The following NCKAP5 variants were observed in gnomAD, a reference collection of about 807,000 sequenced individuals.
The protein encoded by NCKAP5 is nck-associated protein 5.
A neutral mutation model predicts 167.0 loss-of-function variants in NCKAP5; 92 were observed. The observed-to-expected ratio is 0.55, with a 90% CI of 0.47 to 0.66. NCKAP5 has a LOEUF of 0.66. Ranked by LOEUF, NCKAP5 falls within the 30% of genes least tolerant of loss-of-function variation. NCKAP5 has a pLI of 0.00. For missense variants in NCKAP5, 2,378 were observed against 2,315.0 expected (o/e 1.03, Z -0.56); for synonymous variants, 891 against 877.4 (o/e 1.02, Z -0.27).
At chr2:132,732,158 G>T in intron 16 of NCKAP5, 107 bp from the exon 17 acceptor site, 1 of 1,092,920 alleles carries the variant, frequency 9.1e-7, no homozygotes, top group Non-Finnish European at 1.3e-6. Context: ...ACACCTAGAA[G>T]GGTGAATTTA....
intron 11 of NCKAP5, among the ~76,000 whole-genome samples, chr2:132,833,127 G>A (rs1329224279): frequency 6.6e-6 from 1 of 152,072 alleles, no homozygotes; most frequent in East Asian, 1.9e-4. Context: ...GATGTGTGAT[G>A]TTTAGCTTTT....
At chr2:133,467,988 G>A (rs1169785173) in intron 3 of NCKAP5, among the ~76,000 whole-genome samples, 1 of 116,836 alleles carries the variant, frequency 8.6e-6, no homozygotes, top group African/African-American at 3.7e-5. Flanking sequence ...TTTTTTGAAG[G>A]GTTTTTTGTG....
chr2:133,083,602 C>T (rs1010390878), intron 6 of NCKAP5, among the ~76,000 whole-genome samples: 2 of 152,134 alleles, frequency 1.3e-5, no homozygotes, highest in Non-Finnish European at 2.9e-5. Flanking sequence ...ACGTATCTTA[C>T]CAGACAGGAA....
At position 132,826,916 on chromosome 2, in the gene NCKAP5, A is replaced by T. The variant is rs573464848; in HGVS notation, c.808-30187T>A. On this transcript the variant is annotated intron_variant, in intron 11 of 19. Coordinates refer to ENST00000409261, the MANE Select transcript of NCKAP5 (RefSeq NM_207363.3). The stretch of plus-strand genomic sequence containing the variant: ...ATCTGCAGTGCGATGGGTGCTGGGC[A>T]AGGCATGAAAGACAAGGCGAGAGCA... Among the ~76,000 whole-genome samples, 210 of 152,328 alleles carry T rather than the reference A, an allele frequency of 1.4e-3. 1 individual carries two copies. The highest frequency in any genetic ancestry group is 4.8e-3 in the African/African-American group (198 of 41,578).
intron 3 of NCKAP5, among the ~76,000 whole-genome samples, chr2:133,395,140 T>A (rs1268719872): frequency 6.6e-6 from 1 of 152,196 alleles, no homozygotes; most frequent in Non-Finnish European, 1.5e-5. Context: ...GACTAAAACA[T>A]GAAAGTTTTC....
chr2:132,939,853 A>T (rs1377588496), intron 8 of NCKAP5, among the ~76,000 whole-genome samples: 1 of 152,152 alleles, frequency 6.6e-6, no homozygotes, highest in Non-Finnish European at 1.5e-5. Flanking sequence ...TACAAAAATT[A>T]GCTGGGTGTG....
chr2:133,106,149 C>A (rs2081682583), intron 6 of NCKAP5, among the ~76,000 whole-genome samples: 1 of 149,616 alleles, frequency 6.7e-6, no homozygotes, highest in African/African-American at 2.5e-5. Context: ...AAAAATTAGC[C>A]AGGAGTGGTG....
intron 6 of NCKAP5, among the ~76,000 whole-genome samples, chr2:133,129,230 T>C (rs948319771): frequency 6.6e-6 from 1 of 151,984 alleles, no homozygotes; most frequent in African/African-American, 2.4e-5. Flanking sequence ...TATCTCCCAA[T>C]GTTATCCCTC....
the NCKAP5 span, among the ~76,000 whole-genome samples, chr2:133,589,028 G>A: frequency 6.6e-6 from 1 of 152,148 alleles, no homozygotes; most frequent in Non-Finnish European, 1.5e-5. Flanking sequence ...ACTCTGGCTT[G>A]GACTCCAAGT....
intron 19 of NCKAP5, among the ~76,000 whole-genome samples, chr2:132,721,230 C>T (rs898890437): frequency 3.3e-5 from 5 of 152,114 alleles, no homozygotes; most frequent in African/African-American, 1.2e-4. Flanking sequence ...ATCGCTTCAA[C>T]CCAAGAGACG....
the NCKAP5 span, among the ~76,000 whole-genome samples, chr2:133,671,444 T>C: frequency 6.6e-6 from 1 of 152,084 alleles, no homozygotes; most frequent in South Asian, 2.1e-4. Context: ...CCCTCATAAA[T>C]GGATCAATTA....
At chr2:132,821,508 T>C (rs1202656660) in intron 11 of NCKAP5, among the ~76,000 whole-genome samples, 26 of 152,134 alleles carry the variant, frequency 1.7e-4, no homozygotes, top group Admixed American at 1.7e-3. Context: ...AAATTGGTAG[T>C]GGTTTCAACT....
chr2:132,922,342 G>A (rs1057148021), intron 8 of NCKAP5, among the ~76,000 whole-genome samples: 1 of 152,168 alleles, frequency 6.6e-6, no homozygotes, highest in African/African-American at 2.4e-5. Flanking sequence ...TGGAGAAGAA[G>A]CTAGAAAAGT....
At chr2:132,743,656 T>C (rs1679396015) in intron 16 of NCKAP5, among the ~76,000 whole-genome samples, 1 of 151,552 alleles carries the variant, frequency 6.6e-6, no homozygotes, top group Non-Finnish European at 1.5e-5. Context: ...AATAAATAAT[T>C]ATATGGTAGA....
At chr2:133,193,861 T>C (rs2085330230) in intron 5 of NCKAP5, among the ~76,000 whole-genome samples, 1 of 152,130 alleles carries the variant, frequency 6.6e-6, no homozygotes, top group Non-Finnish European at 1.5e-5. Flanking sequence ...CCAAAGTATA[T>C]TTTAAAAGAC....
intron 12 of NCKAP5, among the ~76,000 whole-genome samples, chr2:132,790,968 C>T (rs576477812): frequency 5.3e-5 from 8 of 152,158 alleles, no homozygotes; most frequent in South Asian, 4.2e-4. Flanking sequence ...TACAAAAGGA[C>T]GAAGATAGAG....
chr2:133,518,576 G>A (rs534692048), intron 2 of NCKAP5, among the ~76,000 whole-genome samples: 79 of 151,880 alleles, frequency 5.2e-4, no homozygotes, highest in African/African-American at 1.8e-3. Context: ...GGATGGTCTC[G>A]ATCTCCTGAG....
intron 4 of NCKAP5, among the ~76,000 whole-genome samples, chr2:133,242,249 C>CT (rs764246319): frequency 0.073 from 10,264 of 139,774 alleles, 421 homozygotes; most frequent in African/African-American, 0.13. Flanking sequence ...TTTTTCTTTT[C>CT]TTTTCTTTTC....
chr2:133,295,352 A>G (rs908483963), intron 4 of NCKAP5, among the ~76,000 whole-genome samples: 129 of 152,326 alleles, frequency 8.5e-4, no homozygotes, highest in African/African-American at 3.0e-3. Context: ...AGTAAAAAAT[A>G]AAATTTTATA....
Sources: allele counts gnomAD v4.1 joint callset (sites outside exome capture counted in the v4.1 genomes callset), GRCh38; gene constraint gnomAD v4.1.1; transcripts MANE v1.5; gene names NCBI Gene and HGNC (gene_info 2026-07-23, HGNC 2026-07-21).